The following ZNF600 variants were observed in gnomAD, a reference collection of about 807,000 sequenced individuals.
The protein encoded by ZNF600 is zinc finger protein 600.
A neutral mutation model predicts 7.3 loss-of-function variants in ZNF600; 4 were observed. That is an observed-to-expected ratio of 0.55 (90% CI 0.27 to 1.25). ZNF600 has a LOEUF of 1.25. Among genes scored for constraint, ZNF600 ranks in the 50% most tolerant of loss-of-function variants. The pLI, the probability that ZNF600 is intolerant of heterozygous loss-of-function variation, is 0.12. For synonymous variants in ZNF600, 290 were observed against 308.9 expected, an observed-to-expected ratio of 0.94 and a Z score of 0.64; for missense variants, 911 against 922.1, an observed-to-expected ratio of 0.99 and a Z score of 0.16.
chr19:52,785,545 G>T (rs1006649825), intron 1 of ZNF600, among the ~76,000 whole-genome samples: 1 of 152,002 alleles, frequency 6.6e-6, no homozygotes, highest in Non-Finnish European at 1.5e-5. Flanking sequence ...CACAGCGCCC[G>T]GTCCTTATTT....
intron 1 of ZNF600, 25 bp from the exon 4 acceptor site, chr19:52,778,932 T>C (rs1317099195): frequency 1.3e-6 from 2 of 1,575,954 alleles, no homozygotes; most frequent in Non-Finnish European, 1.7e-6. Flanking sequence ...AAATGAGACT[T>C]CTTGTTAGAA....
At chr19:52,798,771 A>G in the ZNF600 span, 1 of 662,162 alleles carries the variant, frequency 1.5e-6, no homozygotes, top group East Asian at 4.6e-5. Flanking sequence ...TTACACTTGT[A>G]AGATCTCTCA....
At chr19:52,809,195 A>G in the ZNF600 span, among the ~76,000 whole-genome samples, 2 of 152,206 alleles carry the variant, frequency 1.3e-5, no homozygotes, top group South Asian at 2.1e-4. Flanking sequence ...CCATCCTAGA[A>G]GAAGCAATCA....
chr19:52,807,803 T>C, the ZNF600 span: 1 of 925,746 alleles, frequency 1.1e-6, no homozygotes, highest in Non-Finnish European at 1.6e-6. Flanking sequence ...CTACTTTACT[T>C]CTGGAAGCTC....
chr19:52,786,459 A>G (rs2062764435), intron 1 of ZNF600, 136 bp downstream of exon 1: 1 of 152,430 alleles, frequency 6.6e-6, no homozygotes, highest in Non-Finnish European at 1.5e-5. Context: ...CGGGGCGGGA[A>G]TAGTCAGAAA....
chr19:52,801,142 T>A, the ZNF600 span: 3 of 1,614,144 alleles, frequency 1.9e-6, no homozygotes, highest in Admixed American at 1.7e-5. Flanking sequence ...AAGTGGGTTA[T>A]CTGATGTTTT....
chr19:52,802,379 A>C, the ZNF600 span, among the ~76,000 whole-genome samples: 239 of 33,094 alleles, frequency 7.2e-3, 1 homozygote, highest in African/African-American at 0.025. Flanking sequence ...AAAAAACAAA[A>C]AAACAAACAA....
At chr19:52,794,337 C>T in the ZNF600 span, among the ~76,000 whole-genome samples, 2 of 152,154 alleles carry the variant, frequency 1.3e-5, no homozygotes, top group African/African-American at 4.8e-5. Flanking sequence ...AAAAGCCACA[C>T]ACTTATTTGG....
At chr19:52,793,438 CAG>C in the ZNF600 span, among the ~76,000 whole-genome samples, 2 of 152,152 alleles carry the variant, frequency 1.3e-5, no homozygotes, top group African/African-American at 4.8e-5. Flanking sequence ...GAGTCCCAGG[CAG>C]AGGGACAGCT....
chr19:52,823,712 T>G, the ZNF600 span, among the ~76,000 whole-genome samples: 1 of 152,164 alleles, frequency 6.6e-6, no homozygotes, highest in Non-Finnish European at 1.5e-5. Flanking sequence ...TCCCAAGACC[T>G]TCAGAAATAC....
At chr19:52,796,666 C>T in the ZNF600 span, among the ~76,000 whole-genome samples, 23 of 152,262 alleles carry the variant, frequency 1.5e-4, no homozygotes, top group Non-Finnish European at 2.9e-4. Context: ...AGGGGTTTCA[C>T]CATTCTGTCC....
chr19:52,819,710 T>C, the ZNF600 span, among the ~76,000 whole-genome samples: 2 of 142,912 alleles, frequency 1.4e-5, no homozygotes, highest in African/African-American at 5.8e-5. Context: ...ACTGGTCTTA[T>C]CATCCCATCC....
At chr19:52,774,962 A>G (rs935927611) in intron 2 of ZNF600, among the ~76,000 whole-genome samples, 59 of 152,332 alleles carry the variant, frequency 3.9e-4, no homozygotes, top group Admixed American at 6.5e-5. Flanking sequence ...ACACAGGGCC[A>G]GGCATGGTGG....
the ZNF600 span, among the ~76,000 whole-genome samples, chr19:52,818,342 T>C: frequency 6.6e-6 from 1 of 152,140 alleles, no homozygotes; most frequent in African/African-American, 2.4e-5. Context: ...CTTAGGAAGC[T>C]GAGGTGGAAG....
the ZNF600 span, among the ~76,000 whole-genome samples, chr19:52,793,384 A>C: frequency 6.6e-6 from 1 of 152,174 alleles, no homozygotes; most frequent in African/African-American, 2.4e-5. Flanking sequence ...GCAATGTCAA[A>C]TGGGACAGAA....
the ZNF600 span, among the ~76,000 whole-genome samples, chr19:52,824,249 G>C: frequency 1.3e-5 from 2 of 152,100 alleles, no homozygotes; most frequent in Non-Finnish European, 2.9e-5. Context: ...TCCTCTTTAA[G>C]TTTTTCTTAC....
the ZNF600 span, among the ~76,000 whole-genome samples, chr19:52,809,514 A>C: frequency 1.3e-5 from 2 of 152,230 alleles, no homozygotes; most frequent in Non-Finnish European, 1.5e-5. Context: ...AACAGAAAAC[A>C]TAACTATTAT....
At chr19:52,776,683 T>TTAAAAAATG (rs1391243664) in intron 2 of ZNF600, among the ~76,000 whole-genome samples, 1 of 152,146 alleles carries the variant, frequency 6.6e-6, no homozygotes, top group Non-Finnish European at 1.5e-5. Context: ...TGAAAAATAG[T>TTAAAAAATG]TAAAATCATT....
the ZNF600 span, among the ~76,000 whole-genome samples, chr19:52,821,165 G>A: frequency 3.3e-5 from 5 of 150,524 alleles, no homozygotes; most frequent in African/African-American, 1.2e-4. Flanking sequence ...ACAAGGGTGG[G>A]ATCCGCAGGA....
Sources: gnomAD v4.1 joint callset for allele counts (sites outside exome capture counted in the v4.1 genomes callset) on GRCh38, gnomAD v4.1.1 for gene constraint, MANE v1.5 for transcripts, NCBI Gene and HGNC (gene_info 2026-07-23, HGNC 2026-07-21) for gene names.